STYXL1: variants seen among roughly 807,000 people sequenced by gnomAD.
STYXL1 encodes the protein serine/threonine/tyrosine interacting like 1, also known as serine/threonine/tyrosine-interacting-like protein 1.
In STYXL1, 32 loss-of-function variants were observed where a neutral mutation model predicts 36.4. That is an observed-to-expected ratio of 0.88 (90% CI 0.66 to 1.18). The LOEUF (loss-of-function observed/expected upper bound fraction) is 1.18. STYXL1 is among the 50% of genes most tolerant of loss of function. The pLI is 0.00. For missense variants in STYXL1, 354 were observed against 394.1 expected, an observed-to-expected ratio of 0.90 and a Z score of 0.86; for synonymous variants, 133 against 144.1, an observed-to-expected ratio of 0.92 and a Z score of 0.55.
At chr7:76,044,820 T>G (rs1487332102) in intron 1 of STYXL1, 1 of 152,164 alleles carries the variant, frequency 6.6e-6, no homozygotes, top group South Asian at 2.1e-4. Context: ...GTCAGCCTCT[T>G]GGGTAGCTGG....
At chr7:76,017,759 C>T (rs2115924909) in intron 4 of STYXL1, among the ~76,000 whole-genome samples, 1 of 149,468 alleles carries the variant, frequency 6.7e-6, no homozygotes, top group Admixed American at 6.8e-5. Flanking sequence ...GGGTGGTGCG[C>T]ACCTGTATTC....
chr7:76,032,695 G>A (rs1310169780), intron 1 of STYXL1, among the ~76,000 whole-genome samples: 1 of 151,950 alleles, frequency 6.6e-6, no homozygotes, highest in African/African-American at 2.4e-5. Flanking sequence ...GAGTAACTTT[G>A]TCTCAAAAAA....
intron 1 of STYXL1, among the ~76,000 whole-genome samples, chr7:76,041,575 C>T (rs782007806): frequency 4.6e-5 from 7 of 152,206 alleles, no homozygotes; most frequent in African/African-American, 1.2e-4. Context: ...CCCTTTTCCA[C>T]GCCTAATTCC....
At chr7:76,031,136 G>A (rs928243184) in intron 1 of STYXL1, among the ~76,000 whole-genome samples, 1 of 151,006 alleles carries the variant, frequency 6.6e-6, no homozygotes, top group African/African-American at 2.4e-5. Flanking sequence ...ACTCCAGCCT[G>A]GGTGACAGAG....
intron 3 of STYXL1, among the ~76,000 whole-genome samples, chr7:76,028,307 T>G (rs1554578284): frequency 6.6e-6 from 1 of 152,172 alleles, no homozygotes; most frequent in East Asian, 1.9e-4. Flanking sequence ...GTGCTGGGAC[T>G]GCAGGCATGA....
In STYXL1 at chr7:76,047,988, G is replaced by A; in HGVS notation, c.-331C>T. 1 of 1,487,082 alleles carries A rather than the reference G, an allele frequency of 6.7e-7. No homozygotes were observed. The highest frequency in any genetic ancestry group is 2.5e-5 in the East Asian group (1 of 39,926). The allele number at this position is 1,487,082 out of a possible 1,614,324, so 92.1% of individuals were successfully genotyped here. A position where few individuals can be genotyped will look rare whatever the true frequency, so the allele number is the denominator to read the frequency against. On this transcript the variant is annotated 5_prime_UTR_variant, in exon 1 of 9. Coordinates refer to ENST00000359697, the MANE Select transcript of STYXL1 (RefSeq NM_001317785.2). ...GGATGGTCCCACAGCTTTCCTTTCC[G>A]ACTCCCGGAAGTGGCCGTGATCTCA...
At chr7:75,998,075 A>G (rs1170361602) in intron 8 of STYXL1, among the ~76,000 whole-genome samples, 3 of 152,222 alleles carry the variant, frequency 2.0e-5, no homozygotes, top group Non-Finnish European at 4.4e-5. Flanking sequence ...CATTTTTTGT[A>G]GAAATAGAAA....
In STYXL1 at chr7:76,035,942, C is replaced by A. The variant is rs1795866537; in HGVS notation, c.-4-5415G>T. On this transcript the variant is annotated intron_variant, in intron 1 of 8. Transcript: ENST00000359697. ...CTGCCCCTCATCCACTGGTAAAGTG[C>A]TGGAAGGATGAGATCGGTCCCTGAA... 1.3e-5 allele frequency among the ~76,000 whole-genome samples: 2 copies of A among 149,842 alleles called. 1 individual carries two copies. Among genetic ancestry groups the A allele is most frequent in the South Asian group, 4.4e-4 (2 of 4,544 alleles).
intron 1 of STYXL1, among the ~76,000 whole-genome samples, chr7:76,035,018 A>G (rs1554580439): frequency 7.7e-6 from 1 of 130,606 alleles, no homozygotes; most frequent in African/African-American, 2.6e-5. Context: ...TCGTGCCCAC[A>G]CCTCCAGTAC....
intron 8 of STYXL1, among the ~76,000 whole-genome samples, chr7:75,998,217 G>A (rs1206309360): frequency 6.6e-6 from 1 of 152,064 alleles, no homozygotes; most frequent in African/African-American, 2.4e-5. Context: ...AAAACAGTAT[G>A]GTATGGACAT....
rs555585403 is a variant in STYXL1, at chr7:76,005,379, G to C, written c.479C>G (p.Pro160Arg). Reference protein sequence around the residue: ...PQELDAFQPYPIEIVPGKVFV... With the variant: ...PQELDAFQPYRIEIVPGKVFV... ...GACCTTCCCTGGCACGATTTCAATG[G>C]GGTATGGCTGAAATGCATCCAGTTC... The change falls in exon 6 of 9, where the codon CCC becomes CGC. Residue 160 changes from proline (P) to arginine (R), a missense_variant. Coordinates refer to ENST00000359697, the MANE Select transcript of STYXL1 (RefSeq NM_001317785.2). 3.1e-6 allele frequency: 5 copies of C among 1,613,036 alleles called. No homozygotes were observed. The highest frequency in any genetic ancestry group is 4.2e-6 in the Non-Finnish European group (5 of 1,179,266).
rs879968427 is a variant in STYXL1, at chr7:76,028,586, C to A, written c.165+56G>T. ...ATTGAGGGTGAAACTTCCCACTCTT[C>A]CCCACCCCACTGCAAGGTAGCCAGC... On this transcript the variant is annotated intron_variant, in intron 3 of 8. Coordinates refer to ENST00000359697, the MANE Select transcript of STYXL1 (RefSeq NM_001317785.2). 4 of 1,539,720 alleles carry A rather than the reference C, an allele frequency of 2.6e-6. No homozygotes were observed. In the African/African-American group the frequency reaches 4.1e-5, roughly 16 times the overall value.
At chr7:76,029,930 G>C (rs1375407116) in intron 2 of STYXL1, among the ~76,000 whole-genome samples, 1 of 152,150 alleles carries the variant, frequency 6.6e-6, no homozygotes, top group Non-Finnish European at 1.5e-5. Context: ...CTCACCTCCT[G>C]CTGTGCTGCC....
chr7:76,005,491 A>G (rs1012290090), intron 5 of STYXL1, 87 bp from the exon 6 acceptor site: 3 of 1,340,040 alleles, frequency 2.2e-6, no homozygotes, highest in Non-Finnish European at 3.1e-6. Flanking sequence ...TCAGCAAACG[A>G]GCGTAAAAGG....
chr7:76,019,643 A>G (rs1223373264), intron 4 of STYXL1, among the ~76,000 whole-genome samples: 2 of 152,024 alleles, frequency 1.3e-5, no homozygotes, highest in African/African-American at 4.8e-5. Context: ...AGGGAGACAA[A>G]GACACTTCCA....
chr7:76,022,496 GA>G (rs34947795), intron 3 of STYXL1, among the ~76,000 whole-genome samples: 79,878 of 146,274 alleles, frequency 0.55, 23,902 homozygotes, highest in Non-Finnish European at 0.7. Context: ...CCGACTCTAT[GA>G]AAAAAAAAAA....
intron 1 of STYXL1, among the ~76,000 whole-genome samples, chr7:76,038,422 ATTTT>A (rs1554581241): frequency 7.6e-6 from 1 of 132,230 alleles, no homozygotes. Context: ...ATTGAATGAC[ATTTT>A]TTTTTTTTTT....
At chr7:76,003,898 T>C in intron 6 of STYXL1, 43 bp from the exon 7 acceptor site, 1 of 1,576,526 alleles carries the variant, frequency 6.3e-7, no homozygotes, top group Non-Finnish European at 8.7e-7. Context: ...GAATGCAGAA[T>C]GCAGGCATCC....
intron 5 of STYXL1, among the ~76,000 whole-genome samples, chr7:76,013,419 G>GTTTGTT (rs367788133): frequency 2.0e-5 from 3 of 147,222 alleles, no homozygotes; most frequent in Admixed American, 6.8e-5. Context: ...TTTTTTTTTT[G>GTTTGTT]TTTGTTTTTG....
Sources: gnomAD v4.1 joint callset for allele counts (sites outside exome capture counted in the v4.1 genomes callset) on GRCh38, gnomAD v4.1.1 for gene constraint, MANE v1.5 for transcripts, NCBI Gene and HGNC (gene_info 2026-07-23, HGNC 2026-07-21) for gene names.